CNIH3: variants seen among roughly 807,000 people sequenced by gnomAD.
CNIH3 encodes protein cornichon homolog 3.
CNIH3 carries 14 observed loss-of-function variants against 24.1 expected under a neutral mutation model. That is an observed-to-expected ratio of 0.58 (90% CI 0.38 to 0.91). CNIH3 has a LOEUF of 0.91. Among genes scored for constraint, CNIH3 ranks in the 40% least tolerant of loss-of-function variants. The pLI is 0.00. For synonymous variants in CNIH3, 68 were observed against 73.8 expected (o/e 0.92, Z 0.40); for missense variants, 178 against 196.8 (o/e 0.90, Z 0.57).
intron 4 of CNIH3, among the ~76,000 whole-genome samples, chr1:224,579,170 C>G (rs1172739933): frequency 6.7e-6 from 1 of 148,440 alleles, no homozygotes; most frequent in Non-Finnish European, 1.5e-5. Flanking sequence ...ATCTTGTCAT[C>G]TTTTTTAATT....
intron 4 of CNIH3, among the ~76,000 whole-genome samples, chr1:224,576,174 G>C (rs1681028133): frequency 6.6e-6 from 1 of 152,164 alleles, no homozygotes; most frequent in Non-Finnish European, 1.5e-5. Context: ...TTTTTCTAAT[G>C]TATGTAAATG....
intron 1 of CNIH3, among the ~76,000 whole-genome samples, chr1:224,658,062 A>AT (rs1402499246): frequency 6.6e-6 from 1 of 152,266 alleles, no homozygotes; most frequent in Non-Finnish European, 1.5e-5. Context: ...AATGCTTTGT[A>AT]TATAATGTTA....
downstream of CNIH3, among the ~76,000 whole-genome samples, chr1:224,539,304 G>A (rs1335758543): frequency 6.6e-6 from 1 of 152,086 alleles, no homozygotes; most frequent in African/African-American, 2.4e-5. Context: ...AGGGTCTCTT[G>A]ACATCCAAAT....
chr1:224,444,881 G>C (rs563814289), intron 1 of CNIH3, among the ~76,000 whole-genome samples: 3 of 149,792 alleles, frequency 2.0e-5, no homozygotes, highest in African/African-American at 7.4e-5. Flanking sequence ...CTGACCTCGT[G>C]ATCCGCCCAC....
At chr1:224,611,093 A>G (rs1162453126) in intron 3 of CNIH3, among the ~76,000 whole-genome samples, 1 of 152,012 alleles carries the variant, frequency 6.6e-6, no homozygotes, top group African/African-American at 2.4e-5. Flanking sequence ...TTCACTTGCA[A>G]CTAGGTAGTG....
rs116789255 is a variant in CNIH3, at chr1:224,635,471, A to C, written c.81+18216A>C. On this transcript the variant is annotated intron_variant, in intron 1 of 5. Coordinates refer to ENST00000272133, the MANE Select transcript of CNIH3 (RefSeq NM_152495.2). ...GTGTGGCAAGATTATTAAAATCAACAGAGAAATGACTGTAGGAACAGCAAG... is the reference window on the plus strand; with the variant it reads ...GTGTGGCAAGATTATTAAAATCAACCGAGAAATGACTGTAGGAACAGCAAG... Among the ~76,000 whole-genome samples the C allele has an allele frequency of 5.6e-3, 854 of 152,328 alleles. 8 individuals are homozygous for C. Among genetic ancestry groups the C allele is most frequent in the African/African-American group, 0.019 (804 of 41,576 alleles).
chr1:224,720,406 C>T (rs1307682766), intron 3 of CNIH3, among the ~76,000 whole-genome samples: 2 of 152,102 alleles, frequency 1.3e-5, no homozygotes, highest in African/African-American at 2.4e-5. Flanking sequence ...ACATAAGAGA[C>T]CTGGCAGCAG....
intron 3 of CNIH3, among the ~76,000 whole-genome samples, chr1:224,556,684 C>T (rs1363710831): frequency 6.6e-6 from 1 of 152,178 alleles, no homozygotes; most frequent in Non-Finnish European, 1.5e-5. Context: ...GATTCACGCT[C>T]CTGTGAGTAT....
intron 1 of CNIH3, among the ~76,000 whole-genome samples, chr1:224,461,957 CGTT>C (rs1447103078): frequency 1.3e-5 from 2 of 152,104 alleles, no homozygotes; most frequent in African/African-American, 4.8e-5. Context: ...TGTTCATCCA[CGTT>C]GTAGCATTTA....
At chr1:224,537,583 G>A (rs1392405411), downstream of CNIH3, 1 of 152,172 alleles carries the variant, frequency 6.6e-6, no homozygotes, top group Non-Finnish European at 1.5e-5. Context: ...ATAAAATCAA[G>A]CTGTGCCCCA....
intron 4 of CNIH3, among the ~76,000 whole-genome samples, chr1:224,567,922 G>A (rs1466877420): frequency 1.3e-5 from 2 of 152,130 alleles, no homozygotes; most frequent in African/African-American, 4.8e-5. Flanking sequence ...GTCTGATCCT[G>A]TGGCATTCTT....
chr1:224,599,416 A>T (rs58565730), intron 3 of CNIH3, among the ~76,000 whole-genome samples: 7,679 of 152,284 alleles, frequency 0.05, 606 homozygotes, highest in African/African-American at 0.16. Flanking sequence ...CTTCAATCCA[A>T]GGAGGTTTGC....
chr1:224,626,331 A>G (rs748848812), intron 1 of CNIH3, among the ~76,000 whole-genome samples: 1 of 152,160 alleles, frequency 6.6e-6, no homozygotes. Flanking sequence ...AACTCCCACA[A>G]ACTGGTCACT....
At chr1:224,508,005 C>G (rs1393035195) in intron 1 of CNIH3, among the ~76,000 whole-genome samples, 3 of 152,190 alleles carry the variant, frequency 2.0e-5, no homozygotes, top group Admixed American at 6.5e-5. Flanking sequence ...AAGTCCATTT[C>G]CCTGAATATC....
chr1:224,585,585 C>T (rs1681471409), intron 5 of CNIH3, among the ~76,000 whole-genome samples: 1 of 151,808 alleles, frequency 6.6e-6, no homozygotes, highest in Non-Finnish European at 1.5e-5. Flanking sequence ...CTCAAGCGGT[C>T]CTCCTGCCTC....
At chr1:224,644,829 GC>G (rs1684525710) in intron 1 of CNIH3, among the ~76,000 whole-genome samples, 1 of 152,244 alleles carries the variant, frequency 6.6e-6, no homozygotes, top group Non-Finnish European at 1.5e-5. Context: ...TCAGGCAAAT[GC>G]CAGTGCTGGA....
Position 224,452,558 on chromosome 1 carries a change from G to GGCAA in CNIH3, n.203+17696_203+17697insGCAA, listed in dbSNP as rs1558073193. Reference sequence around the variant, plus strand: ...GCACTTTGGGAGGCCAAGGTGGGCGGATCACAAGGTCAGGAGATTGAGACC... The same window carrying GGCAA: ...GCACTTTGGGAGGCCAAGGTGGGCGGGCAAATCACAAGGTCAGGAGATTGAGACC... On this transcript the variant is annotated intron_variant and non_coding_transcript_variant, in intron 1 of 5. Transcript: ENST00000471578. Among the ~76,000 whole-genome samples, 3 of 151,522 alleles carry GGCAA rather than the reference G, an allele frequency of 2.0e-5. No homozygotes were observed. In the East Asian group the frequency reaches 5.9e-4, roughly 30 times the overall value.
intron 2 of CNIH3, among the ~76,000 whole-genome samples, chr1:224,534,717 G>T (rs1305968538): frequency 8.5e-5 from 13 of 152,180 alleles, no homozygotes. Flanking sequence ...AAACATAGCT[G>T]CTATGATCAT....
chr1:224,559,376 A>T (rs1156311070), intron 3 of CNIH3, among the ~76,000 whole-genome samples: 1 of 152,066 alleles, frequency 6.6e-6, no homozygotes, highest in Non-Finnish European at 1.5e-5. Context: ...ATTCTCTGTT[A>T]CACTAAGCTT....
Sources: gnomAD v4.1 joint callset for allele counts (sites outside exome capture counted in the v4.1 genomes callset) on GRCh38, gnomAD v4.1.1 for gene constraint, MANE v1.5 for transcripts, NCBI Gene and HGNC (gene_info 2026-07-23, HGNC 2026-07-21) for gene names.